The following CSMD1 variants were observed in gnomAD, a reference collection of about 807,000 sequenced individuals.
CSMD1 encodes the protein CUB and Sushi multiple domains 1.
Under a neutral mutation model 417.5 loss-of-function variants are expected in CSMD1, and 213 were observed. The observed-to-expected ratio is 0.51, with a 90% CI of 0.46 to 0.57. The LOEUF (loss-of-function observed/expected upper bound fraction) is 0.57, where lower values mean the gene tolerates loss of function less well. Ranked by LOEUF, CSMD1 falls within the 20% of genes least tolerant of loss-of-function variation. The pLI, the probability that CSMD1 is intolerant of heterozygous loss-of-function variation, is 0.00. For missense variants in CSMD1, 6,923 were observed against 4,529.7 expected (o/e 1.53, Z -15.17); for synonymous variants, 2,862 against 1,736.8 (o/e 1.65, Z -16.11).
At chr8:3,569,722 C>T (rs1799867894) in intron 10 of CSMD1, among the ~76,000 whole-genome samples, 2 of 152,116 alleles carry the variant, frequency 1.3e-5, no homozygotes, top group South Asian at 4.1e-4. Flanking sequence ...GGAATGTCTC[C>T]CAAGGAATCA....
At chr8:3,740,089 T>A (rs1796717694) in intron 6 of CSMD1, among the ~76,000 whole-genome samples, 1 of 152,124 alleles carries the variant, frequency 6.6e-6, no homozygotes, top group African/African-American at 2.4e-5. Context: ...ACAAAGGTAT[T>A]CATTTTACAA....
At chr8:3,074,704 A>G (rs926280333) in intron 49 of CSMD1, among the ~76,000 whole-genome samples, 1 of 152,254 alleles carries the variant, frequency 6.6e-6, no homozygotes, top group African/African-American at 2.4e-5. Context: ...ATAACTGGTC[A>G]TTGAAATTGC....
rs1351410950 is a variant in CSMD1 at position 4,757,884 on chromosome 8, G to C, written c.86-120326C>G. Among the ~76,000 whole-genome samples, 3 of 151,038 alleles carry C rather than the reference G, an allele frequency of 2.0e-5. No individual in the cohort carries two copies. The East Asian group carries it at 5.9e-4, about 29-fold the overall frequency. ...TGAGGCAGAAGAATCGCTTGAACCT[G>C]GGAGGCAGCGGTTGAAGGGAGCCGA... is the stretch of plus-strand genomic sequence containing the variant. On this transcript the variant is annotated intron_variant, in intron 1 of 69. Coordinates refer to ENST00000635120, the MANE Select transcript of CSMD1 (RefSeq NM_033225.6).
intron 5 of CSMD1, among the ~76,000 whole-genome samples, chr8:3,810,257 C>G (rs766158865): frequency 1.3e-5 from 2 of 152,102 alleles, no homozygotes; most frequent in Non-Finnish European, 2.9e-5. Context: ...AAAAGGAATG[C>G]TGGTACTTCC....
Position 4,625,783 on chromosome 8 carries a change from G to T in CSMD1, c.302+11559C>A, listed in dbSNP as rs992244313. On this transcript the variant is annotated intron_variant, in intron 2 of 69. Coordinates refer to ENST00000635120, the MANE Select transcript of CSMD1 (RefSeq NM_033225.6). ...CTGTCGCCCAGGTTGGAGTGCCGTG[G>T]TATGATCTCAGCTCATTCCAATCTC... is the stretch of plus-strand genomic sequence containing the variant. 9.2e-5 allele frequency among the ~76,000 whole-genome samples: 14 copies of T among 152,106 alleles called. 1 individual carries two copies. Among genetic ancestry groups the T allele is most frequent in the African/African-American group, 3.4e-4 (14 of 41,404 alleles).
intron 1 of CSMD1, among the ~76,000 whole-genome samples, chr8:4,905,636 G>A (rs1014781795): frequency 3.3e-5 from 5 of 151,490 alleles, no homozygotes; most frequent in East Asian, 2.0e-4. Context: ...TGGCTAACAC[G>A]GTGAAACCCC....
intron 3 of CSMD1, among the ~76,000 whole-genome samples, chr8:4,037,702 G>A (rs1227344404): frequency 6.6e-6 from 1 of 152,150 alleles, no homozygotes; most frequent in Non-Finnish European, 1.5e-5. Flanking sequence ...AAGATTGAAT[G>A]AGATAACAGG....
chr8:3,170,488 G>T (rs1036120110), intron 37 of CSMD1, among the ~76,000 whole-genome samples: 1 of 152,166 alleles, frequency 6.6e-6, no homozygotes. Context: ...GATTACAGGC[G>T]TGAGCCACCG....
At chr8:4,738,302 G>C (rs1810372302) in intron 1 of CSMD1, among the ~76,000 whole-genome samples, 1 of 152,166 alleles carries the variant, frequency 6.6e-6, no homozygotes, top group Non-Finnish European at 1.5e-5. Flanking sequence ...TATTTACAGA[G>C]GAAACATCTT....
At chr8:3,635,075 A>G (rs1228637301) in intron 7 of CSMD1, among the ~76,000 whole-genome samples, 1 of 152,168 alleles carries the variant, frequency 6.6e-6, no homozygotes, top group African/African-American at 2.4e-5. Flanking sequence ...TGCCTATATA[A>G]GATACTTACT....
intron 5 of CSMD1, among the ~76,000 whole-genome samples, chr8:3,831,862 A>G (rs186685081): frequency 9.5e-4 from 144 of 152,330 alleles, no homozygotes; most frequent in African/African-American, 3.4e-3. Flanking sequence ...ATAACATAGC[A>G]TCTTTGTGAT....
chr8:3,244,070 T>C (rs973528903), intron 26 of CSMD1, among the ~76,000 whole-genome samples: 2 of 152,164 alleles, frequency 1.3e-5, no homozygotes, highest in Non-Finnish European at 1.5e-5. Context: ...AATACCAATA[T>C]ACAGAAGCAG....
At chr8:3,731,365 T>C (rs1585148127) in intron 6 of CSMD1, among the ~76,000 whole-genome samples, 1 of 152,140 alleles carries the variant, frequency 6.6e-6, no homozygotes, top group African/African-American at 2.4e-5. Flanking sequence ...TTAGTGGAAG[T>C]TCAGGCTAAT....
At chr8:4,973,757 C>T (rs1362993954) in intron 1 of CSMD1, among the ~76,000 whole-genome samples, 3 of 152,178 alleles carry the variant, frequency 2.0e-5, no homozygotes, top group Non-Finnish European at 4.4e-5. Context: ...ATTTTTTATT[C>T]ACCCAAAGAT....
chr8:4,921,012 A>AAG lies in CSMD1; in HGVS notation c.85+73319_85+73320insCT, dbSNP rs1806453641. On this transcript the variant is annotated intron_variant, in intron 1 of 69. Transcript: ENST00000635120. Reference sequence around the variant, plus strand: ...AAAGAAAGAAAAGAAAGAAAGAAAGAAAAGAAAGAAAGGAAGAAAGAAAGG... The same window carrying AAG: ...AAAGAAAGAAAAGAAAGAAAGAAAGAAGAAAGAAAGAAAGGAAGAAAGAAAGG... 2.0e-4 allele frequency among the ~76,000 whole-genome samples: 2 copies of AAG among 9,980 alleles called. 1 individual carries two copies. The highest frequency in any genetic ancestry group is 4.3e-4 in the Non-Finnish European group (2 of 4,654). 6.5% of individuals were successfully genotyped at this position (9,980 alleles called of 152,430 possible).
At chr8:4,005,783 T>C (rs1585118779) in intron 4 of CSMD1, among the ~76,000 whole-genome samples, 1 of 152,160 alleles carries the variant, frequency 6.6e-6, no homozygotes, top group South Asian at 2.1e-4. Context: ...TCAGAATAAT[T>C]AGTGTCAGAA....
At chr8:3,264,669 T>C (rs927366430) in intron 26 of CSMD1, among the ~76,000 whole-genome samples, 9 of 152,146 alleles carry the variant, frequency 5.9e-5, no homozygotes, top group African/African-American at 2.2e-4. Context: ...ATCAAAACTG[T>C]GGGGTCGTAA....
intron 7 of CSMD1, among the ~76,000 whole-genome samples, chr8:3,626,685 C>G (rs564417263): frequency 4.3e-4 from 65 of 151,264 alleles, no homozygotes; most frequent in Non-Finnish European, 7.5e-4. Context: ...CATTCCAATA[C>G]AGTAAATATG....
At chr8:3,556,453 G>A (rs571328564) in intron 10 of CSMD1, among the ~76,000 whole-genome samples, 1 of 137,708 alleles carries the variant, frequency 7.3e-6, no homozygotes, top group Non-Finnish European at 1.5e-5. Flanking sequence ...CCTGTGGGTT[G>A]AGATAATTTG....
Sources: gnomAD v4.1 joint callset for allele counts (sites outside exome capture counted in the v4.1 genomes callset) on GRCh38, gnomAD v4.1.1 for gene constraint, MANE v1.5 for transcripts, NCBI Gene and HGNC (gene_info 2026-07-23, HGNC 2026-07-21) for gene names.